Variants in ARPIN observed in about 807,000 individuals in gnomAD.
ARPIN encodes UPF0552 protein C15orf38.
In ARPIN, 23 loss-of-function variants were observed where a neutral mutation model predicts 25.9. That is an observed-to-expected ratio of 0.89 (90% confidence interval 0.64 to 1.26). The LOEUF (loss-of-function observed/expected upper bound fraction) is 1.26. Among genes scored for constraint, ARPIN ranks in the 50% most tolerant of loss-of-function variants. The pLI is 0.00. For synonymous variants in ARPIN, 126 were observed against 131.4 expected (o/e 0.96, Z 0.28); for missense variants, 333 against 312.2 (o/e 1.07, Z -0.50).
chr15:89,910,189 T>TA (rs1263781939), intron 2 of ARPIN, among the ~76,000 whole-genome samples: 15 of 152,142 alleles, frequency 9.9e-5, no homozygotes, highest in African/African-American at 3.6e-4. Context: ...GGGGCATTTT[T>TA]AGAGACCAAG....
In ARPIN at chr15:89,903,950, G is replaced by A; in HGVS notation, c.335C>T (p.Thr112Met). ...GACCAGCCCCTTCAGCGCCTCGGGC[G>A]TGAGCCTGTCAGTGTCCCCCTTGGC... ...VEAKGDTDRL[T>M]PEALKGLVNK... The change falls in exon 4 of 6, where the codon ACG becomes ATG. Residue 112 changes from threonine (T) to methionine (M), a missense_variant. Physicochemically the swap from Thr to Met is moderately conservative, Grantham distance 81. Transcript: ENST00000357484. The A allele has an allele frequency of 3.7e-6, 6 of 1,610,260 alleles. No homozygotes were observed. In the East Asian group the frequency reaches 6.7e-5, roughly 18 times the overall value.
Position 89,912,878 on chromosome 15 carries a change from G to A in ARPIN, c.-43C>T. ...CACCCCGGCACAGAGCCGGCGCACT[G>A]GGCTGGGGGCGCGGCGCGGGAAGTG... On this transcript the variant is annotated 5_prime_UTR_variant, in exon 1 of 6. Transcript: ENST00000357484. 6.7e-7 allele frequency: 1 copy of A among 1,481,934 alleles called. No homozygotes were observed. Among genetic ancestry groups the A allele is most frequent in the Non-Finnish European group, 8.9e-7 (1 of 1,122,896 alleles). 91.8% of individuals were successfully genotyped at this position (1,481,934 alleles called of 1,614,324 possible).
chr15:89,903,620 C>G (rs1897063777), intron 4 of ARPIN, among the ~76,000 whole-genome samples, 157 bp downstream of exon 4: 1 of 152,182 alleles, frequency 6.6e-6, no homozygotes, highest in Non-Finnish European at 1.5e-5. Flanking sequence ...CCCTAGGGCA[C>G]TTGTGCAGGG....
Position 89,912,822 on chromosome 15 carries a change from T to C in ARPIN, c.14A>G (p.Tyr5Cys), listed in dbSNP as rs764069170. MSRI[Y>C]HDGALRNKAV... ...CTTGTTCCGGAGCGCGCCGTCGTGG[T>C]AGATGCGGCTCATTCTCCCGACCGC... The change falls in exon 1 of 6, where the codon TAC becomes TGC. Residue 5 changes from tyrosine (Y) to cysteine (C), a missense_variant. By Grantham distance (194) the Tyr-to-Cys change is radical. Coordinates refer to ENST00000357484, the MANE Select transcript of ARPIN (RefSeq NM_182616.4). 11 of 1,523,882 alleles carry C rather than the reference T, an allele frequency of 7.2e-6. No individual in the cohort carries two copies. The East Asian group carries it at 2.9e-4, about 41-fold the overall frequency. The allele number at this position is 1,523,882 out of a possible 1,614,324, so 94.4% of individuals were successfully genotyped here.
chr15:89,912,431 CG>C (rs902135249), intron 1 of ARPIN: 19 of 1,185,360 alleles, frequency 1.6e-5, no homozygotes, highest in African/African-American at 4.8e-5. Context: ...TATAGTTACG[CG>C]GGTGGGGTGG....
intron 2 of ARPIN, among the ~76,000 whole-genome samples, chr15:89,909,323 C>A (rs977980973): frequency 6.6e-6 from 1 of 151,832 alleles, no homozygotes; most frequent in Non-Finnish European, 1.5e-5. Context: ...GAATAGGAGG[C>A]CACATCCTGG....
At chr15:89,911,837 C>A (rs1271118829) in intron 1 of ARPIN, among the ~76,000 whole-genome samples, 2 of 149,644 alleles carry the variant, frequency 1.3e-5, no homozygotes, top group Non-Finnish European at 3.0e-5. Flanking sequence ...TCTACTGTTT[C>A]TTTTCTTTTG....
intron 3 of ARPIN, 83 bp downstream of exon 3, chr15:89,908,197 C>T: frequency 6.3e-7 from 1 of 1,577,172 alleles, no homozygotes. Context: ...AGACACTTTC[C>T]AGGGGCTAAG....
Position 89,908,311 on chromosome 15 carries a change from C to G in ARPIN, c.270G>C (p.Lys90Asn). The change falls in exon 3 of 6, where the codon AAG becomes AAC. Residue 90 changes from lysine (K) to asparagine (N), a missense_variant. Lys to Asn is a moderately conservative substitution (Grantham distance 94). Transcript: ENST00000357484. Reference sequence around the variant, plus strand: ...ACGACATGAGGAAGCCCGTGTTCACCTTCCTGGTGGCGCTGAAGTTGGGCT... The same window carrying G: ...ACGACATGAGGAAGCCCGTGTTCACGTTCCTGGTGGCGCTGAAGTTGGGCT... ...EIEPNFSATR[K>N]VNTGFLMSSY... 6.2e-7 allele frequency: 1 copy of G among 1,614,196 alleles called. No homozygotes were observed. Among genetic ancestry groups the G allele is most frequent in the Admixed American group, 1.7e-5 (1 of 60,024 alleles).
In ARPIN at chr15:89,900,305, C is replaced by G. The variant is rs1156824373; in HGVS notation, c.*1490G>C. On this transcript the variant is annotated 3_prime_UTR_variant, in exon 6 of 6. Coordinates refer to ENST00000357484, the MANE Select transcript of ARPIN (RefSeq NM_182616.4). ...GGAACATAAGGTTTGCTTTTGACAG[C>G]TCTGGGTTTGAATCCTGATTCTGCT... The G allele has an allele frequency of 1.3e-5, 2 of 152,264 alleles. No homozygotes were observed. Among genetic ancestry groups the G allele is most frequent in the East Asian group, 3.8e-4 (2 of 5,200 alleles). 9.4% of individuals were successfully genotyped at this position (152,264 alleles called of 1,614,324 possible).
At chr15:89,904,387 C>T (rs1337887852) in intron 3 of ARPIN, among the ~76,000 whole-genome samples, 1 of 152,162 alleles carries the variant, frequency 6.6e-6, no homozygotes, top group African/African-American at 2.4e-5. Flanking sequence ...AAAACTAAGG[C>T]TTAGAGAAGT....
rs527724260 is a variant in ARPIN, at chr15:89,901,296, C to A, written c.*499G>T. Reference sequence around the variant, plus strand: ...TTTAGACAAGGGATATTCCCCACTCCGCACCAATACCAGGTCCAGTTACTC... The same window carrying A: ...TTTAGACAAGGGATATTCCCCACTCAGCACCAATACCAGGTCCAGTTACTC... On this transcript the variant is annotated 3_prime_UTR_variant, in exon 6 of 6. Coordinates refer to ENST00000357484, the MANE Select transcript of ARPIN (RefSeq NM_182616.4). 5 of 169,652 alleles carry A rather than the reference C, an allele frequency of 2.9e-5. No homozygotes were observed. Among genetic ancestry groups the A allele is most frequent in the Non-Finnish European group, 5.0e-5 (4 of 79,688 alleles). 10.5% of individuals were successfully genotyped at this position (169,652 alleles called of 1,614,324 possible).
In ARPIN at chr15:89,901,209, G is replaced by A. The variant is rs952374038; in HGVS notation, c.*586C>T. Reference sequence around the variant, plus strand: ...TGCTGAGGAAGGGGTGGGTGGGGAAGGAAAGCAGGAAACAATGAGAACGGA... The same window carrying A: ...TGCTGAGGAAGGGGTGGGTGGGGAAAGAAAGCAGGAAACAATGAGAACGGA... On this transcript the variant is annotated 3_prime_UTR_variant, in exon 6 of 6. Transcript: ENST00000357484. 2 of 157,190 alleles carry A rather than the reference G, an allele frequency of 1.3e-5. No homozygotes were observed. The highest frequency in any genetic ancestry group is 4.8e-5 in the African/African-American group (2 of 41,470). 9.7% of individuals were successfully genotyped at this position (157,190 alleles called of 1,614,324 possible).
chr15:89,909,776 A>C (rs1002356260), intron 2 of ARPIN, among the ~76,000 whole-genome samples: 1 of 152,142 alleles, frequency 6.6e-6, no homozygotes, highest in African/African-American at 2.4e-5. Flanking sequence ...AGGGAAGGCA[A>C]GGGAGGGGGA....
chr15:89,905,443 C>G (rs1567195764), intron 3 of ARPIN, among the ~76,000 whole-genome samples: 2 of 152,134 alleles, frequency 1.3e-5, no homozygotes, highest in Admixed American at 6.5e-5. Context: ...CCCTTCCCCC[C>G]TCCTGAGGAC....
At chr15:89,908,501 A>G in intron 2 of ARPIN, 89 bp from the exon 3 acceptor site, 7 of 1,573,126 alleles carry the variant, frequency 4.4e-6, no homozygotes, top group South Asian at 3.5e-5. Flanking sequence ...CCAACCTCAC[A>G]TCTACCCTAG....
At chr15:89,903,064 T>C (rs1897049372) in intron 5 of ARPIN, 152 bp downstream of exon 5, 2 of 1,534,866 alleles carry the variant, frequency 1.3e-6, no homozygotes, top group Non-Finnish European at 1.8e-6. Context: ...GGAATTCTCC[T>C]GATGCTAACA....
In ARPIN at chr15:89,901,443, T is replaced by G. The variant is rs1596231968; in HGVS notation, c.*352A>C. 1 of 284,500 alleles carries G rather than the reference T, an allele frequency of 3.5e-6. No homozygotes were observed. Among genetic ancestry groups the G allele is most frequent in the Non-Finnish European group, 6.7e-6 (1 of 149,466 alleles). 17.6% of individuals were successfully genotyped at this position (284,500 alleles called of 1,614,324 possible). On this transcript the variant is annotated 3_prime_UTR_variant, in exon 6 of 6. Coordinates refer to ENST00000357484, the MANE Select transcript of ARPIN (RefSeq NM_182616.4). Reference sequence around the variant, plus strand: ...CCTGTAATCCCAACACCTTGGGAGGTGGAGGGGGGTGGATCGCTTGAGTCC... The same window carrying G: ...CCTGTAATCCCAACACCTTGGGAGGGGGAGGGGGGTGGATCGCTTGAGTCC...
intron 3 of ARPIN, 149 bp downstream of exon 3, chr15:89,908,131 G>C: frequency 7.6e-7 from 1 of 1,313,252 alleles, no homozygotes. Context: ...CAAGGCCAGG[G>C]GTGGATGTGG....
Sources: allele counts gnomAD v4.1 joint callset (sites outside exome capture counted in the v4.1 genomes callset), GRCh38; gene constraint gnomAD v4.1.1; transcripts MANE v1.5; gene names NCBI Gene and HGNC (gene_info 2026-07-23, HGNC 2026-07-21).